Variants in KHDRBS1 observed in about 807,000 individuals in gnomAD.
KHDRBS1 encodes KH domain-containing, RNA-binding, signal transduction-associated protein 1.
KHDRBS1 carries 7 observed loss-of-function variants against 48.4 expected under a neutral mutation model. That is an observed-to-expected ratio of 0.14 (90% CI 0.08 to 0.27). The LOEUF is 0.27. KHDRBS1 is among the 10% of genes least tolerant of loss of function. KHDRBS1 has a pLI of 1.00. For missense variants in KHDRBS1, 458 were observed against 601.2 expected, an observed-to-expected ratio of 0.76 and a Z score of 2.49; for synonymous variants, 241 against 235.8, an observed-to-expected ratio of 1.02 and a Z score of -0.20.
chr1:32,041,583 C>CTTTTTTTTTTTT (rs370173805), intron 8 of KHDRBS1, among the ~76,000 whole-genome samples: 1 of 75,582 alleles, frequency 1.3e-5, no homozygotes, highest in East Asian at 4.6e-4. Flanking sequence ...AGGAATTATC[C>CTTTTTTTTTTTT]TTTTTTTTTT....
In KHDRBS1 at chr1:32,050,499, TTTTG is replaced by T. The variant is rs545581818; in HGVS notation, n.1301+5133_1301+5136del. 4.1e-3 allele frequency among the ~76,000 whole-genome samples: 618 copies of T among 152,096 alleles called. 4 individuals are homozygous for T. The highest frequency in any genetic ancestry group is 6.3e-3 in the Non-Finnish European group (431 of 67,968). Reference sequence around the variant, plus strand: ...TTCTCAGTTTTTTAGTTTTAGTTCTTTTTGTTTGTTTGTTTGTTTGTTTGTTTTT... The same window carrying T: ...TTCTCAGTTTTTTAGTTTTAGTTCTTTTTGTTTGTTTGTTTGTTTGTTTTT... On this transcript the variant is annotated intron_variant and non_coding_transcript_variant, in intron 10 of 10. Coordinates refer to the KHDRBS1 transcript ENST00000484270.
Position 32,035,483 on chromosome 1 carries a change from T to G in KHDRBS1, c.772-1427T>G, listed in dbSNP as rs1162007069. Among the ~76,000 whole-genome samples the G allele has an allele frequency of 2.6e-5, 4 of 152,194 alleles. No individual in the cohort carries two copies. In the East Asian group the frequency reaches 7.7e-4, roughly 29 times the overall value. ...ACTGAATGGCTCTCAATAGGAAGTG[T>G]GAAAAGATTTGCCAGTGGCATTTGA... On this transcript the variant is annotated intron_variant, in intron 4 of 8. Transcript: ENST00000327300.
At chr1:32,020,302 G>A (rs1638832910) in intron 1 of KHDRBS1, among the ~76,000 whole-genome samples, 1 of 151,882 alleles carries the variant, frequency 6.6e-6, no homozygotes, top group Non-Finnish European at 1.5e-5. Context: ...AGGATCACTT[G>A]AACCCAGGAG....
chr1:32,051,628 T>A, intron 10 of KHDRBS1, among the ~76,000 whole-genome samples: 1 of 152,204 alleles, frequency 6.6e-6, no homozygotes, highest in Non-Finnish European at 1.5e-5. Context: ...ACTTCCTCGC[T>A]TCCTAGCCCT....
chr1:32,017,726 G>T (rs1240920856), intron 1 of KHDRBS1, among the ~76,000 whole-genome samples: 1 of 147,542 alleles, frequency 6.8e-6, no homozygotes, highest in Admixed American at 7.0e-5. Context: ...TCCTGCCTCA[G>T]CTTCCCTGGT....
intron 10 of KHDRBS1, among the ~76,000 whole-genome samples, chr1:32,056,146 C>T (rs957351013): frequency 2.0e-5 from 3 of 152,118 alleles, no homozygotes; most frequent in African/African-American, 7.2e-5. Context: ...CCTCTCATTC[C>T]TAGCCGGTAC....
chr1:32,028,750 C>T (rs1639024603), intron 1 of KHDRBS1, among the ~76,000 whole-genome samples: 1 of 151,520 alleles, frequency 6.6e-6, no homozygotes, highest in African/African-American at 2.4e-5. Context: ...TGTGATCCTC[C>T]TGCCTCAGCC....
At chr1:32,018,550 T>C (rs1381277103) in intron 1 of KHDRBS1, among the ~76,000 whole-genome samples, 1 of 142,088 alleles carries the variant, frequency 7.0e-6, no homozygotes, top group Non-Finnish European at 1.5e-5. Context: ...GGTCAGGAGA[T>C]CAAGACCATC....
downstream of KHDRBS1, chr1:32,045,255 A>C (rs1639344213): frequency 6.6e-6 from 1 of 152,606 alleles, no homozygotes; most frequent in African/African-American, 2.4e-5. Context: ...TGCATGCAGG[A>C]TCTCTTTATC....
rs200531548 is a variant in KHDRBS1 at position 32,033,372 on chromosome 1, A to G, written c.771+38A>G. 386 of 1,609,830 alleles carry G rather than the reference A, an allele frequency of 2.4e-4. 27 individuals carry two copies. The Admixed American group carries it at 5.7e-3, about 24-fold the overall frequency. On this transcript the variant is annotated intron_variant, in intron 4 of 8. Transcript: ENST00000327300. Reference sequence around the variant, plus strand: ...ATATCCTGTGTCTTCTGAGCAAAAGAGAACTGGGATCTTATACTGTTGTGA... The same window carrying G: ...ATATCCTGTGTCTTCTGAGCAAAAGGGAACTGGGATCTTATACTGTTGTGA...
intron 1 of KHDRBS1, among the ~76,000 whole-genome samples, chr1:32,016,071 T>G (rs1045726664): frequency 4.6e-5 from 7 of 151,618 alleles, no homozygotes; most frequent in Non-Finnish European, 1.0e-4. Flanking sequence ...CCAGCTACTT[T>G]GGAAGCTGAG....
At chr1:32,049,135 A>G (rs904585393) in intron 10 of KHDRBS1, among the ~76,000 whole-genome samples, 30 of 151,720 alleles carry the variant, frequency 2.0e-4, no homozygotes, top group Admixed American at 5.9e-4. Context: ...GCTCACTGCA[A>G]CTGCAACCTC....
At chr1:32,059,232 T>C (rs568787401) in intron 10 of KHDRBS1, among the ~76,000 whole-genome samples, 2 of 150,250 alleles carry the variant, frequency 1.3e-5, no homozygotes, top group African/African-American at 4.9e-5. Flanking sequence ...TCCAGGTTAC[T>C]GACTGGAACA....
chr1:32,056,262 A>G (rs1243028632), intron 10 of KHDRBS1, among the ~76,000 whole-genome samples: 6 of 119,182 alleles, frequency 5.0e-5, no homozygotes. Flanking sequence ...TGCTTCAAGG[A>G]GGCCTTGTCA....
At chr1:32,040,091 C>A (rs1438901228) in intron 8 of KHDRBS1, among the ~76,000 whole-genome samples, 2 of 152,100 alleles carry the variant, frequency 1.3e-5, no homozygotes, top group Non-Finnish European at 2.9e-5. Flanking sequence ...TGGCAAGCAG[C>A]TAGCCAGACC....
intron 10 of KHDRBS1, among the ~76,000 whole-genome samples, chr1:32,058,133 A>T (rs1451299575): frequency 6.6e-6 from 1 of 150,978 alleles, no homozygotes; most frequent in Non-Finnish European, 1.5e-5. Context: ...AAAAAAACAG[A>T]TGGGGTCTCA....
At chr1:32,038,154 C>T in intron 6 of KHDRBS1, 118 bp downstream of exon 6, 9 of 1,459,678 alleles carry the variant, frequency 6.2e-6, no homozygotes, top group Non-Finnish European at 7.4e-6. Flanking sequence ...GATTTGCAAT[C>T]TGCCCTCTTC....
chr1:32,046,992 T>C (rs1639365150), downstream of KHDRBS1, among the ~76,000 whole-genome samples: 1 of 152,044 alleles, frequency 6.6e-6, no homozygotes, highest in Non-Finnish European at 1.5e-5. Context: ...AGAAGAAAAA[T>C]GGATTAGAAG....
rs1398482327 is a variant in KHDRBS1, at chr1:32,042,934, G to GT, written c.*311dup. 1.8e-5 allele frequency: 3 copies of GT among 167,114 alleles called. No individual in the cohort carries two copies. Among genetic ancestry groups the GT allele is most frequent in the East Asian group, 1.6e-4 (1 of 6,332 alleles). 10.4% of individuals were successfully genotyped at this position (167,114 alleles called of 1,614,324 possible). On this transcript the variant is annotated 3_prime_UTR_variant, in exon 9 of 9. Transcript: ENST00000327300. ...TTTTATAATAAAAAAAAGAAGTTGA[G>GT]TAAAAAAAAAAAACACACAAACCTG... is the stretch of plus-strand genomic sequence containing the variant.
Sources: allele counts gnomAD v4.1 joint callset (sites outside exome capture counted in the v4.1 genomes callset), GRCh38; gene constraint gnomAD v4.1.1; transcripts MANE v1.5; gene names NCBI Gene and HGNC (gene_info 2026-07-23, HGNC 2026-07-21).